Variants in TRPM3 observed in about 807,000 individuals in gnomAD.
The protein encoded by TRPM3 is transient receptor potential cation channel subfamily M member 3.
TRPM3 carries 77 observed loss-of-function variants against 181.2 expected under a neutral mutation model. The observed-to-expected ratio is 0.42, with a 90% CI of 0.35 to 0.51. The LOEUF is 0.51. TRPM3 is among the 20% of genes least tolerant of loss of function. The pLI, the probability that TRPM3 is intolerant of heterozygous loss-of-function variation, is 0.01. For missense variants in TRPM3, 1,759 were observed against 2,196.7 expected, an observed-to-expected ratio of 0.80 and a Z score of 3.98; for synonymous variants, 745 against 796.4, an observed-to-expected ratio of 0.94 and a Z score of 1.09.
At chr9:71,088,408 T>C (rs925183796) in intron 1 of TRPM3, among the ~76,000 whole-genome samples, 3 of 152,044 alleles carry the variant, frequency 2.0e-5, no homozygotes, top group African/African-American at 7.2e-5. Context: ...TACCCTCAAA[T>C]CTAGTATATC....
At chr9:71,230,565 C>A (rs2080985399) in intron 1 of TRPM3, among the ~76,000 whole-genome samples, 1 of 152,010 alleles carries the variant, frequency 6.6e-6, no homozygotes, top group Non-Finnish European at 1.5e-5. Context: ...TATTGAATAT[C>A]CCTATACCCC....
At chr9:70,592,637 T>C (rs1273933566) in intron 21 of TRPM3, among the ~76,000 whole-genome samples, 5 of 151,988 alleles carry the variant, frequency 3.3e-5, no homozygotes, top group Admixed American at 6.5e-5. Context: ...ATACCATACT[T>C]CCTGAAGGGA....
chr9:70,689,165 A>AG (rs1259009497), intron 8 of TRPM3, among the ~76,000 whole-genome samples: 1 of 152,200 alleles, frequency 6.6e-6, no homozygotes, highest in Non-Finnish European at 1.5e-5. Flanking sequence ...ATTATTGTTC[A>AG]GGGGTCAATC....
chr9:71,321,675 G>A (rs562471909), intron 1 of TRPM3, among the ~76,000 whole-genome samples: 1 of 152,230 alleles, frequency 6.6e-6, no homozygotes, highest in African/African-American at 2.4e-5. Context: ...TTCCTGGTAA[G>A]TATAATCAAC....
intron 1 of TRPM3, among the ~76,000 whole-genome samples, chr9:70,978,800 C>A (rs1377827393): frequency 6.6e-6 from 1 of 152,226 alleles, no homozygotes; most frequent in Non-Finnish European, 1.5e-5. Context: ...TACACACTCA[C>A]TGATGCCCTG....
intron 8 of TRPM3, among the ~76,000 whole-genome samples, chr9:70,752,849 C>T (rs1451049508): frequency 6.6e-6 from 1 of 152,128 alleles, no homozygotes; most frequent in Non-Finnish European, 1.5e-5. Flanking sequence ...GTGGCTCATG[C>T]CTGTACTCTC....
At chr9:71,226,502 G>A (rs935816465) in intron 1 of TRPM3, among the ~76,000 whole-genome samples, 1 of 151,676 alleles carries the variant, frequency 6.6e-6, no homozygotes, top group East Asian at 1.9e-4. Context: ...CTATGCAAAT[G>A]GAAACCAAAA....
At chr9:70,998,388 G>C (rs149671133) in intron 1 of TRPM3, among the ~76,000 whole-genome samples, 38 of 151,910 alleles carry the variant, frequency 2.5e-4, no homozygotes, top group African/African-American at 8.5e-4. Context: ...CAGCAAAATG[G>C]AGAGGAAGGT....
intron 22 of TRPM3, among the ~76,000 whole-genome samples, chr9:70,572,273 G>GA (rs1447959754): frequency 5.3e-5 from 8 of 152,136 alleles, no homozygotes; most frequent in Non-Finnish European, 1.2e-4. Context: ...TTGTAGAAAG[G>GA]TTGCAGAGTT....
At chr9:70,979,446 T>A (rs3009571) in intron 1 of TRPM3, among the ~76,000 whole-genome samples, 209 of 152,066 alleles carry the variant, frequency 1.4e-3, no homozygotes, top group African/African-American at 4.7e-3. Context: ...GAAGGGGGGA[T>A]CCAACTGTAT....
In TRPM3 at chr9:71,420,713, AAG is replaced by A. The variant is rs1187950500; in HGVS notation, c.183+25938_183+25939del. On this transcript the variant is annotated intron_variant, in intron 1 of 24. Coordinates refer to the TRPM3 transcript ENST00000357533. ...AGGGAAAGAGAAAGAGAGAGAAAGA[AAG>A]AGAGAAAGAGAGAGAGAGAGAAAGA... Among the ~76,000 whole-genome samples, 50 of 20,618 alleles carry A rather than the reference AAG, an allele frequency of 2.4e-3. 1 individual carries two copies. The highest frequency in any genetic ancestry group is 4.3e-3 in the Non-Finnish European group (41 of 9,556). 13.5% of individuals were successfully genotyped at this position (20,618 alleles called of 152,430 possible). A position where few individuals can be genotyped will look rare whatever the true frequency, so the allele number is the denominator to read the frequency against.
chr9:70,852,128 C>CAAAAA (rs35682319), intron 3 of TRPM3, among the ~76,000 whole-genome samples: 4 of 44,914 alleles, frequency 8.9e-5, no homozygotes, highest in East Asian at 1.0e-3. Context: ...ACTCTATCTC[C>CAAAAA]AAAAAAAAAA....
intron 1 of TRPM3, among the ~76,000 whole-genome samples, chr9:71,102,946 T>C (rs2068675735): frequency 6.6e-6 from 1 of 152,190 alleles, no homozygotes; most frequent in South Asian, 2.1e-4. Context: ...TACACATATA[T>C]GCTTTGCCAT....
At chr9:70,548,847 G>GCGCTCTCTCT (rs113538099) in intron 25 of TRPM3, among the ~76,000 whole-genome samples, 1 of 150,062 alleles carries the variant, frequency 6.7e-6, no homozygotes, top group Non-Finnish European at 1.5e-5. Flanking sequence ...AAGATCTTGT[G>GCGCTCTCTCT]CTCTCTCTCT....
chr9:71,099,841 G>A (rs2068006542), intron 1 of TRPM3, among the ~76,000 whole-genome samples: 1 of 152,068 alleles, frequency 6.6e-6, no homozygotes, highest in Non-Finnish European at 1.5e-5. Context: ...AGGAAACTGA[G>A]GTTTAAAGAG....
intron 22 of TRPM3, among the ~76,000 whole-genome samples, chr9:70,557,638 T>C (rs1044609736): frequency 1.3e-5 from 2 of 152,194 alleles, no homozygotes; most frequent in African/African-American, 4.8e-5. Flanking sequence ...GAGATTTATG[T>C]TCCCAGAGAA....
At chr9:70,669,745 T>C (rs918320691) in intron 9 of TRPM3, among the ~76,000 whole-genome samples, 3 of 130,046 alleles carry the variant, frequency 2.3e-5, no homozygotes, top group Admixed American at 2.3e-4. Flanking sequence ...TTTCTTTCTT[T>C]TCTTTTTTTT....
Position 70,874,117 on chromosome 9 carries a change from T to C in TRPM3, c.178-9606A>G, listed in dbSNP as rs944196065. ...TTACAATGATAAATTAAACTCATGT[T>C]TTGTCAATAGGTCATGCTGTGTAAA... On this transcript the variant is annotated intron_variant, in intron 1 of 25. Coordinates refer to ENST00000677713, the MANE Select transcript of TRPM3 (RefSeq NM_001366145.2). Among the ~76,000 whole-genome samples the C allele has an allele frequency of 3.9e-5, 6 of 151,944 alleles. No homozygotes were observed. The South Asian group carries it at 8.3e-4, about 21-fold the overall frequency.
intron 1 of TRPM3, among the ~76,000 whole-genome samples, chr9:71,331,233 C>T (rs2090083680): frequency 6.6e-6 from 1 of 151,788 alleles, no homozygotes. Flanking sequence ...ACAAGTATTA[C>T]ATAACAGAAA....
Sources: allele counts gnomAD v4.1 joint callset (sites outside exome capture counted in the v4.1 genomes callset), GRCh38; gene constraint gnomAD v4.1.1; transcripts MANE v1.5; gene names NCBI Gene and HGNC (gene_info 2026-07-23, HGNC 2026-07-21).